GPC5: variants seen among roughly 807,000 people sequenced by gnomAD.
GPC5 encodes glypican 5.
In GPC5, 47 loss-of-function variants were observed where a neutral mutation model predicts 53.9. The observed-to-expected ratio is 0.87, with a 90% CI of 0.69 to 1.11. The LOEUF is 1.11. Ranked by LOEUF, GPC5 falls within the 50% of genes most tolerant of loss-of-function variation. The pLI, the probability that GPC5 is intolerant of heterozygous loss-of-function variation, is 0.00. For synonymous variants in GPC5, 286 were observed against 263.3 expected (o/e 1.09, Z -0.84); for missense variants, 748 against 713.1 (o/e 1.05, Z -0.56).
At chr13:92,090,126 A>G (rs540524352) in intron 6 of GPC5, among the ~76,000 whole-genome samples, 51 of 152,338 alleles carry the variant, frequency 3.3e-4, no homozygotes, top group South Asian at 1.2e-3. Flanking sequence ...TGATTTGCCT[A>G]TCTAAAGAGT....
chr13:92,052,641 T>G (rs1000805149), intron 6 of GPC5, among the ~76,000 whole-genome samples: 1 of 152,126 alleles, frequency 6.6e-6, no homozygotes, highest in African/African-American at 2.4e-5. Context: ...TTACAATCCT[T>G]TAGCTAGACA....
At chr13:91,573,673 A>G (rs780307496) in intron 2 of GPC5, among the ~76,000 whole-genome samples, 1 of 152,178 alleles carries the variant, frequency 6.6e-6, no homozygotes, top group Non-Finnish European at 1.5e-5. Flanking sequence ...TAGTACCAGT[A>G]TCTAATTTAT....
At chr13:92,754,629 A>C (rs1252172794) in intron 7 of GPC5, among the ~76,000 whole-genome samples, 2 of 151,498 alleles carry the variant, frequency 1.3e-5, no homozygotes, top group Non-Finnish European at 2.9e-5. Context: ...AAAAGGATGG[A>C]GGAAGATCTA....
chr13:92,330,914 A>T (rs2139235313), intron 7 of GPC5, among the ~76,000 whole-genome samples: 1 of 152,224 alleles, frequency 6.6e-6, no homozygotes, highest in Admixed American at 6.5e-5. Context: ...ATAACCTGCC[A>T]TCCTTTTTAT....
chr13:92,568,007 T>C (rs1451220410), intron 7 of GPC5, among the ~76,000 whole-genome samples: 2 of 152,128 alleles, frequency 1.3e-5, no homozygotes, highest in African/African-American at 4.8e-5. Context: ...CAATAGAGAC[T>C]AACAGAATAT....
intron 5 of GPC5, among the ~76,000 whole-genome samples, chr13:91,859,007 T>C (rs2038996882): frequency 6.8e-6 from 1 of 147,576 alleles, no homozygotes; most frequent in Non-Finnish European, 1.5e-5. Context: ...TGTCACCTTT[T>C]TCATCTCTGA....
chr13:92,331,126 G>A (rs1169242557), intron 7 of GPC5, among the ~76,000 whole-genome samples: 1 of 152,054 alleles, frequency 6.6e-6, no homozygotes. Context: ...CTAATTACCT[G>A]TGTATTATCT....
intron 7 of GPC5, among the ~76,000 whole-genome samples, chr13:92,748,516 T>C (rs1393953324): frequency 6.6e-6 from 1 of 151,160 alleles, no homozygotes; most frequent in Non-Finnish European, 1.5e-5. Flanking sequence ...AGAGACGGGG[T>C]TTCACCATCT....
At chr13:91,402,318 C>T (rs1301130688) in intron 1 of GPC5, among the ~76,000 whole-genome samples, 1 of 152,146 alleles carries the variant, frequency 6.6e-6, no homozygotes, top group African/African-American at 2.4e-5. Flanking sequence ...TAAAAATAAA[C>T]TCTTGACATG....
chr13:92,022,565 C>T (rs570580507), intron 6 of GPC5, among the ~76,000 whole-genome samples: 7 of 151,448 alleles, frequency 4.6e-5, no homozygotes, highest in East Asian at 1.9e-4. Context: ...TAAATAAAAG[C>T]ATATATTAAA....
At chr13:91,860,850 T>G (rs1029556800) in intron 5 of GPC5, among the ~76,000 whole-genome samples, 1 of 152,328 alleles carries the variant, frequency 6.6e-6, no homozygotes, top group Non-Finnish European at 1.5e-5. Flanking sequence ...GACCCTTAGG[T>G]TGATTCCATA....
intron 7 of GPC5, among the ~76,000 whole-genome samples, chr13:92,285,364 T>C (rs2042946494): frequency 6.6e-6 from 1 of 152,184 alleles, no homozygotes; most frequent in Non-Finnish European, 1.5e-5. Context: ...TACCAATGAC[T>C]GTCTTCACAG....
At chr13:91,761,375 C>G (rs1282199131) in intron 5 of GPC5, among the ~76,000 whole-genome samples, 3 of 151,958 alleles carry the variant, frequency 2.0e-5, no homozygotes, top group African/African-American at 7.3e-5. Flanking sequence ...GGTTTTTTTT[C>G]ACCACACACC....
chr13:91,925,336 T>C (rs1351528093), intron 6 of GPC5, among the ~76,000 whole-genome samples: 6 of 152,206 alleles, frequency 3.9e-5, no homozygotes, highest in African/African-American at 1.4e-4. Flanking sequence ...TTCCTAATTA[T>C]CATATACTTA....
At chr13:91,962,259 T>G (rs1404549037) in intron 6 of GPC5, among the ~76,000 whole-genome samples, 3 of 152,120 alleles carry the variant, frequency 2.0e-5, no homozygotes, top group African/African-American at 7.2e-5. Flanking sequence ...ATGATAAGAC[T>G]TCTTTTGAAA....
At chr13:92,592,622 A>C (rs897798540) in intron 7 of GPC5, among the ~76,000 whole-genome samples, 6 of 151,378 alleles carry the variant, frequency 4.0e-5, no homozygotes, top group African/African-American at 7.3e-5. Context: ...AAGAAAAATG[A>C]AGGGACTGAA....
intron 2 of GPC5, among the ~76,000 whole-genome samples, chr13:91,478,748 T>C (rs1883085375): frequency 4.1e-5 from 6 of 146,066 alleles, no homozygotes; most frequent in Admixed American, 3.5e-4. Context: ...TCATGTTTGC[T>C]CACTAGCAAT....
chr13:91,950,865 G>T (rs779559536), intron 6 of GPC5, among the ~76,000 whole-genome samples: 26 of 152,140 alleles, frequency 1.7e-4, no homozygotes, highest in Non-Finnish European at 3.2e-4. Flanking sequence ...ACTAGCTCAA[G>T]ATCGCATACC....
intron 7 of GPC5, among the ~76,000 whole-genome samples, chr13:92,590,385 C>T (rs1000164895): frequency 6.6e-6 from 1 of 152,066 alleles, no homozygotes; most frequent in African/African-American, 2.4e-5. Flanking sequence ...TGTTCCACGC[C>T]CAAAACCCGT....
Sources: gnomAD v4.1 joint callset for allele counts (sites outside exome capture counted in the v4.1 genomes callset) on GRCh38, gnomAD v4.1.1 for gene constraint, MANE v1.5 for transcripts, NCBI Gene and HGNC (gene_info 2026-07-23, HGNC 2026-07-21) for gene names.